Variants in NUP210 observed in about 807,000 individuals in gnomAD.
The protein encoded by NUP210 is nucleoporin 210.
A neutral mutation model predicts 196.0 loss-of-function variants in NUP210; 151 were observed. That is an observed-to-expected ratio of 0.77 (90% CI 0.67 to 0.88). The LOEUF (loss-of-function observed/expected upper bound fraction) is 0.88, where lower values mean the gene tolerates loss of function less well. NUP210 is among the 40% of genes least tolerant of loss of function. The pLI, the probability that NUP210 is intolerant of heterozygous loss-of-function variation, is 0.00. For missense variants in NUP210, 2,314 were observed against 2,493.7 expected (o/e 0.93, Z 1.53); for synonymous variants, 1,070 against 1,052.7 (o/e 1.02, Z -0.32).
intron 1 of NUP210, among the ~76,000 whole-genome samples, chr3:13,412,604 C>A (rs1011002857): frequency 6.6e-6 from 1 of 151,880 alleles, no homozygotes. Context: ...ATCTCAGCTA[C>A]TCAGGAGGCT....
chr3:13,362,849 C>T (rs529880296), intron 14 of NUP210, among the ~76,000 whole-genome samples: 75 of 152,318 alleles, frequency 4.9e-4, no homozygotes, highest in Non-Finnish European at 8.5e-4. Flanking sequence ...CCACTCAGGC[C>T]TCTGCCTGAG....
Position 13,379,605 on chromosome 3 carries a change from C to T in NUP210, c.934G>A (p.Ala312Thr). 6.2e-7 allele frequency: 1 copy of T among 1,614,172 alleles called. No individual in the cohort carries two copies. The highest frequency in any genetic ancestry group is 1.3e-5 in the African/African-American group (1 of 75,054). ...AGGCTGCTCTGTCCCAGCTGCAGTG[C>T]AGTGACCATCGACGTGTCCTGGGCC... ...VLAQDTSMVT[A>T]LQLGQSSLVL... The change falls in exon 7 of 40, where the codon GCA becomes ACA. Residue 312 changes from alanine (A) to threonine (T), a missense_variant. Coordinates refer to ENST00000254508, the MANE Select transcript of NUP210 (RefSeq NM_024923.4). The surrounding 1 kb of genome is among the most constrained non-coding windows in gnomAD (Gnocchi z 4.2).
Position 13,343,223 on chromosome 3 carries a change from G to C in NUP210, c.2916C>G (p.Val972=), listed in dbSNP as rs763268386. ...GCTCCTGAATGTCCGACACGTAAAC[G>C]ACAGCCTTGGCTGGGGCCGGGAAGA... ...CLVFPAPAKA[V]VYVSDIQELY... The change falls in exon 21 of 40, where the codon GTC becomes GTG. Residue 972 remains valine (V), a synonymous_variant. Coordinates refer to ENST00000254508, the MANE Select transcript of NUP210 (RefSeq NM_024923.4). 1.2e-6 allele frequency: 2 copies of C among 1,612,700 alleles called. No individual in the cohort carries two copies. The highest frequency in any genetic ancestry group is 2.2e-5 in the South Asian group (2 of 91,068).
intron 13 of NUP210, among the ~76,000 whole-genome samples, chr3:13,368,893 G>A (rs137994175): frequency 2.0e-5 from 3 of 152,272 alleles, no homozygotes; most frequent in Non-Finnish European, 4.4e-5. Context: ...CATGAACATG[G>A]GTGCACAAAT....
At chr3:13,380,507 T>C (rs1177302909) in intron 6 of NUP210, among the ~76,000 whole-genome samples, 2 of 152,196 alleles carry the variant, frequency 1.3e-5, no homozygotes, top group African/African-American at 4.8e-5. Flanking sequence ...CTGCTCACCA[T>C]TGCGCAGCTA....
At position 13,340,984 on chromosome 3, in the gene NUP210, TC is replaced by T. The variant is rs1697461026; in HGVS notation, c.3229-687del. 1 of 152,098 alleles carries T rather than the reference TC, an allele frequency of 6.6e-6. No individual in the cohort carries two copies. Among genetic ancestry groups the T allele is most frequent in the African/African-American group, 2.4e-5 (1 of 41,390 alleles). 9.4% of individuals were successfully genotyped at this position (152,098 alleles called of 1,614,324 possible). On this transcript the variant is annotated intron_variant, in intron 23 of 39. Transcript: ENST00000254508. This position sits in a 1 kb window ranked among gnomAD's most constrained non-coding sequence, Gnocchi z 4.0. ...TGCTATTGATGGGCAGAAACAAATT[TC>T]TCATCACCAGAAGAAAGGTGCACCT...
Position 13,333,144 on chromosome 3 carries a change from G to A in NUP210, c.3844-760C>T, listed in dbSNP as rs186894100. On this transcript the variant is annotated intron_variant, in intron 28 of 39. Coordinates refer to ENST00000254508, the MANE Select transcript of NUP210 (RefSeq NM_024923.4). ...GGCAAATGATCAGCCTCATGAGGTC[G>A]GCTCAGATCTGATCCTGGGACGCCC... is the stretch of plus-strand genomic sequence containing the variant. Among the ~76,000 whole-genome samples the A allele has an allele frequency of 3.9e-3, 598 of 152,302 alleles. 6 individuals carry two copies. Among genetic ancestry groups the A allele is most frequent in the African/African-American group, 0.014 (582 of 41,564 alleles).
Position 13,376,247 on chromosome 3 carries a change from G to A in NUP210, c.1293+44C>T, listed in dbSNP as rs774016361. 1.9e-6 allele frequency: 3 copies of A among 1,606,438 alleles called. No homozygotes were observed. The African/African-American group carries it at 4.0e-5, about 21-fold the overall frequency. ...GCTGACATTTCTGCCTACAGAGGGT[G>A]GCTTCATAGGACAAGGCACGACGCA... On this transcript the variant is annotated intron_variant, in intron 10 of 39. Transcript: ENST00000254508.
chr3:13,372,691 G>A (rs1358906861), intron 12 of NUP210, among the ~76,000 whole-genome samples: 2 of 152,178 alleles, frequency 1.3e-5, no homozygotes, highest in African/African-American at 2.4e-5. Flanking sequence ...CCACCTCCTG[G>A]TTAAGGAGGG....
Position 13,321,802 on chromosome 3 carries a change from A to G in NUP210, c.4949T>C (p.Leu1650Pro). ...CAGGTGCTTCCGCTGCTTGTCCGTCAGCCTGTGCATTGTGATTGAGCAGAA... is the reference window on the plus strand; with the variant it reads ...CAGGTGCTTCCGCTGCTTGTCCGTCGGCCTGTGCATTGTGATTGAGCAGAA... ...QYFCSITMHR[L>P]TDKQRKHLSM... The change falls in exon 36 of 40, where the codon CTG (leucine) becomes CCG (proline). Residue 1650 changes from leucine to proline, a missense_variant. Transcript: ENST00000254508. 1 of 1,609,528 alleles carries G rather than the reference A, an allele frequency of 6.2e-7. No homozygotes were observed. Among genetic ancestry groups the G allele is most frequent in the Non-Finnish European group, 8.5e-7 (1 of 1,180,014 alleles).
In NUP210 at chr3:13,348,299, C is replaced by A; in HGVS notation, c.2835+3580G>T. The A allele has an allele frequency of 2.4e-6, 2 of 817,052 alleles. No individual in the cohort carries two copies. Among genetic ancestry groups the A allele is most frequent in the Non-Finnish European group, 3.0e-6 (2 of 676,382 alleles). 50.6% of individuals were successfully genotyped at this position (817,052 alleles called of 1,614,324 possible). A position where few individuals can be genotyped will look rare whatever the true frequency, so the allele number is the denominator to read the frequency against. On this transcript the variant is annotated intron_variant, in intron 20 of 39. Coordinates refer to ENST00000254508, the MANE Select transcript of NUP210 (RefSeq NM_024923.4). This position sits in a 1 kb window ranked among gnomAD's most constrained non-coding sequence, Gnocchi z 4.0. ...GCCTCCAGAGACAGGGAGCTCACTA[C>A]CTACAGCGGCAGCCTAGTCCATCAC...
Position 13,317,447 on chromosome 3 carries a change from T to A in NUP210, c.*234A>T. The A allele has an allele frequency of 3.7e-6, 2 of 546,908 alleles. No individual in the cohort carries two copies. The highest frequency in any genetic ancestry group is 6.5e-6 in the Non-Finnish European group (2 of 306,042). The allele number at this position is 546,908 out of a possible 1,614,324, so 33.9% of individuals were successfully genotyped here. On this transcript the variant is annotated 3_prime_UTR_variant, in exon 40 of 40. Transcript: ENST00000254508. The stretch of plus-strand genomic sequence containing the variant: ...GCAAAAAGGAATGAGCCAAAAAGTC[T>A]TAGCTTTGTAAGACTTGAAAGGAAA...
Position 13,348,636 on chromosome 3 carries a change from G to T in NUP210, c.2835+3243C>A. The T allele has an allele frequency of 1.0e-6, 1 of 985,466 alleles. No homozygotes were observed. Among genetic ancestry groups the T allele is most frequent in the Non-Finnish European group, 1.2e-6 (1 of 829,950 alleles). 61.0% of individuals were successfully genotyped at this position (985,466 alleles called of 1,614,324 possible). A position where few individuals can be genotyped will look rare whatever the true frequency, so the allele number is the denominator to read the frequency against. ...TGTTCTTTCTTCTATGAGGGGATAA[G>T]AATGCTTAGGAGACGCTGCTTGTGG... On this transcript the variant is annotated intron_variant, in intron 20 of 39. Transcript: ENST00000254508. The surrounding 1 kb of genome is among the most constrained non-coding windows in gnomAD (Gnocchi z 4.0).
intron 26 of NUP210, among the ~76,000 whole-genome samples, chr3:13,337,590 T>C (rs1470039586): frequency 6.6e-6 from 1 of 152,236 alleles, no homozygotes; most frequent in Non-Finnish European, 1.5e-5. Context: ...ACAGTCACTG[T>C]GCTCCTGTTA....
chr3:13,420,037 C>CG lies in NUP210; in HGVS notation c.167+22_167+23insC. Reference sequence around the variant, plus strand: ...GGCCCAGCCCGGCCCACGGCGCCCGCCCGGCCCGGCCGCGCGCCTCACCAG... The same window carrying CG: ...GGCCCAGCCCGGCCCACGGCGCCCGCGCCGGCCCGGCCGCGCGCCTCACCAG... On this transcript the variant is annotated intron_variant, in intron 1 of 39. Coordinates refer to ENST00000254508, the MANE Select transcript of NUP210 (RefSeq NM_024923.4). The surrounding 1 kb of genome is among the most constrained non-coding windows in gnomAD (Gnocchi z 4.8). 1 of 1,219,026 alleles carries CG rather than the reference C, an allele frequency of 8.2e-7. No individual in the cohort carries two copies. 75.5% of individuals were successfully genotyped at this position (1,219,026 alleles called of 1,614,324 possible).
intron 36 of NUP210, among the ~76,000 whole-genome samples, chr3:13,321,086 G>A (rs1427243242): frequency 2.0e-5 from 3 of 152,244 alleles, no homozygotes; most frequent in Non-Finnish European, 4.4e-5. Flanking sequence ...CGGAAATGCC[G>A]AGGAACTCCT....
intron 29 of NUP210, among the ~76,000 whole-genome samples, chr3:13,331,377 T>C (rs939484540): frequency 1.3e-5 from 2 of 152,162 alleles, no homozygotes; most frequent in Admixed American, 6.5e-5. Flanking sequence ...CACAGCCCTA[T>C]AGATGACTAG....
At position 13,328,909 on chromosome 3, in the gene NUP210, G is replaced by A. The variant is rs894252916; in HGVS notation, c.4148C>T (p.Pro1383Leu). The change falls in exon 31 of 40, where the codon CCT becomes CTT. Residue 1383 changes from proline to leucine, a missense_variant. Transcript: ENST00000254508. ...PVSYLRVSMSPVLHTQNKEAL... is the reference protein window; with the variant it reads ...PVSYLRVSMSLVLHTQNKEAL... ...CTCCTTGTTCTGGGTGTGCAGGACAGGGCTCATGGAAACCCTCAGGTAGGA... is the reference window on the plus strand; with the variant it reads ...CTCCTTGTTCTGGGTGTGCAGGACAAGGCTCATGGAAACCCTCAGGTAGGA... 6.2e-7 allele frequency: 1 copy of A among 1,613,982 alleles called. No homozygotes were observed. The highest frequency in any genetic ancestry group is 8.5e-7 in the Non-Finnish European group (1 of 1,179,998).
Position 13,360,369 on chromosome 3 carries a change from C to T in NUP210, c.2055G>A (p.Glu685=). The T allele has an allele frequency of 6.2e-7, 1 of 1,614,048 alleles. No individual in the cohort carries two copies. The highest frequency in any genetic ancestry group is 2.2e-5 in the East Asian group (1 of 44,876). ...GAGCCAGGCCGATGCTGTCAGTGTCCTCAGCGGTGACGTTCTGGAAGAATT... is the reference window on the plus strand; with the variant it reads ...GAGCCAGGCCGATGCTGTCAGTGTCTTCAGCGGTGACGTTCTGGAAGAATT... ...PSKFFQNVTA[E]DTDSIGLALF... The change falls in exon 15 of 40, where the codon GAG becomes GAA. Residue 685 remains glutamate, a synonymous_variant. Coordinates refer to ENST00000254508, the MANE Select transcript of NUP210 (RefSeq NM_024923.4).
Sources: gnomAD v4.1 joint callset for allele counts (sites outside exome capture counted in the v4.1 genomes callset) on GRCh38, gnomAD v4.1.1 for gene constraint, Gnocchi (gnomAD v3.1) non-coding constraint, MANE v1.5 for transcripts, NCBI Gene and HGNC (gene_info 2026-07-23, HGNC 2026-07-21) for gene names.